Variants in SRGAP1 observed in about 807,000 individuals in gnomAD.
The protein encoded by SRGAP1 is SLIT-ROBO Rho GTPase-activating protein 1.
SRGAP1 carries 43 observed loss-of-function variants against 121.9 expected under a neutral mutation model. That is an observed-to-expected ratio of 0.35 (90% CI 0.28 to 0.46). The LOEUF (loss-of-function observed/expected upper bound fraction) is 0.46. Ranked by LOEUF, SRGAP1 falls within the 20% of genes least tolerant of loss-of-function variation. The probability of loss-of-function intolerance (pLI) is 1.00; values close to 1 mark genes in which losing one functional copy is unlikely to be tolerated. For missense variants in SRGAP1, 1,102 were observed against 1,350.9 expected (o/e 0.82, Z 2.89); for synonymous variants, 447 against 485.4 (o/e 0.92, Z 1.04).
chr12:64,116,118 G>C (rs145034405), intron 18 of SRGAP1: 2 of 462,366 alleles, frequency 4.3e-6, no homozygotes, highest in Admixed American at 7.2e-5. Flanking sequence ...TTAGCCAGGC[G>C]TGGTGATGTG....
intron 3 of SRGAP1, among the ~76,000 whole-genome samples, chr12:63,991,130 G>T (rs553025988): frequency 6.6e-6 from 1 of 152,110 alleles, no homozygotes; most frequent in South Asian, 2.1e-4. Context: ...TACGACTAGC[G>T]TTCATTTTTT....
intron 1 of SRGAP1, among the ~76,000 whole-genome samples, chr12:63,913,478 G>GATATAT: frequency 7.6e-6 from 1 of 130,986 alleles, no homozygotes; most frequent in East Asian, 2.4e-4. Flanking sequence ...TATATATATG[G>GATATAT]ATATATATAT....
At chr12:64,132,462 C>A (rs1430300104) in intron 21 of SRGAP1, among the ~76,000 whole-genome samples, 1 of 152,212 alleles carries the variant, frequency 6.6e-6, no homozygotes, top group Non-Finnish European at 1.5e-5. Flanking sequence ...GTAACACACC[C>A]AAAAGAGGAA....
chr12:64,024,494 C>T (rs2034612536), intron 4 of SRGAP1, among the ~76,000 whole-genome samples: 2 of 152,112 alleles, frequency 1.3e-5, no homozygotes, highest in Admixed American at 1.3e-4. Context: ...ATTTTGGGTG[C>T]AGCCTTTCAT....
At chr12:64,095,771 T>C (rs1320900946) in intron 14 of SRGAP1, among the ~76,000 whole-genome samples, 2 of 152,230 alleles carry the variant, frequency 1.3e-5, no homozygotes, top group East Asian at 1.9e-4. Context: ...AATAGTGTTA[T>C]GTATTAATAG....
chr12:64,141,287 A>AGAAG (rs1555177613), intron 21 of SRGAP1, among the ~76,000 whole-genome samples: 1 of 144,678 alleles, frequency 6.9e-6, no homozygotes, highest in Non-Finnish European at 1.5e-5. Flanking sequence ...AAAAAAAAAA[A>AGAAG]AAAGAAAAAC....
intron 10 of SRGAP1, among the ~76,000 whole-genome samples, chr12:64,086,528 A>C (rs964816890): frequency 2.6e-5 from 4 of 152,146 alleles, no homozygotes; most frequent in Non-Finnish European, 4.4e-5. Context: ...CCCCTGATTC[A>C]TATTATAGAA....
intron 4 of SRGAP1, among the ~76,000 whole-genome samples, chr12:64,023,934 C>G (rs1254377608): frequency 6.6e-6 from 1 of 152,114 alleles, no homozygotes. Flanking sequence ...TTCCCAAGGC[C>G]CATCAGTTCC....
chr12:64,138,661 T>C (rs2036903312), intron 21 of SRGAP1, among the ~76,000 whole-genome samples: 1 of 151,586 alleles, frequency 6.6e-6, no homozygotes, highest in African/African-American at 2.4e-5. Flanking sequence ...AAAAAATATA[T>C]ATAAATCTCT....
chr12:64,095,421 C>T (rs1003182320), intron 14 of SRGAP1, among the ~76,000 whole-genome samples: 1 of 152,148 alleles, frequency 6.6e-6, no homozygotes, highest in African/African-American at 2.4e-5. Flanking sequence ...AGCTCTGCAT[C>T]CTGGTTGAGG....
chr12:64,013,743 G>T (rs2034322050), intron 3 of SRGAP1, among the ~76,000 whole-genome samples: 1 of 152,174 alleles, frequency 6.6e-6, no homozygotes, highest in Non-Finnish European at 1.5e-5. Flanking sequence ...ACTGGTAGTA[G>T]GACTCCCTGA....
Position 64,142,848 on chromosome 12 carries a change from A to G in SRGAP1, c.*176A>G, listed in dbSNP as rs957803646. 1 of 848,852 alleles carries G rather than the reference A, an allele frequency of 1.2e-6. No homozygotes were observed. The highest frequency in any genetic ancestry group is 1.7e-5 in the African/African-American group (1 of 58,260). The allele number at this position is 848,852 out of a possible 1,614,324, so 52.6% of individuals were successfully genotyped here. On this transcript the variant is annotated 3_prime_UTR_variant, in exon 22 of 22. Coordinates refer to ENST00000355086, the MANE Select transcript of SRGAP1 (RefSeq NM_020762.4). ...TAGCTAAATTAACACGGGCATTTGT[A>G]TTTTGTAATTTTTTTAAATAACTGG... is the stretch of plus-strand genomic sequence containing the variant.
At chr12:63,943,243 A>C (rs1453953620) in intron 1 of SRGAP1, among the ~76,000 whole-genome samples, 4 of 152,246 alleles carry the variant, frequency 2.6e-5, no homozygotes, top group Non-Finnish European at 5.9e-5. Context: ...TAAAAAATAT[A>C]ATGAGCATCT....
intron 8 of SRGAP1, among the ~76,000 whole-genome samples, chr12:64,072,492 G>A (rs980474023): frequency 1.3e-5 from 2 of 152,120 alleles, no homozygotes; most frequent in South Asian, 4.1e-4. Flanking sequence ...TCAAATTAAA[G>A]TGAGGTCAAT....
At chr12:64,122,815 T>C (rs562182204) in intron 18 of SRGAP1, among the ~76,000 whole-genome samples, 5 of 152,220 alleles carry the variant, frequency 3.3e-5, no homozygotes, top group South Asian at 2.1e-4. Context: ...TGAGAATCGC[T>C]TGAACCCGGG....
chr12:63,967,652 T>C (rs1193287071), intron 1 of SRGAP1, among the ~76,000 whole-genome samples: 1 of 152,178 alleles, frequency 6.6e-6, no homozygotes, highest in Non-Finnish European at 1.5e-5. Context: ...CCTGGATTCT[T>C]TGTAGGACTA....
At position 64,142,710 on chromosome 12, in the gene SRGAP1, A is replaced by T; in HGVS notation, c.*38A>T. Reference sequence around the variant, plus strand: ...CAAGGCCATAAAGGGAGGTGACTTAAAAAAGAAAATGGATTAGTGACAAAA... The same window carrying T: ...CAAGGCCATAAAGGGAGGTGACTTATAAAAGAAAATGGATTAGTGACAAAA... On this transcript the variant is annotated 3_prime_UTR_variant, in exon 22 of 22. Transcript: ENST00000355086. The T allele has an allele frequency of 6.4e-7, 1 of 1,565,424 alleles. No homozygotes were observed. Among genetic ancestry groups the T allele is most frequent in the Non-Finnish European group, 8.7e-7 (1 of 1,155,316 alleles).
At chr12:63,865,404 G>C (rs1204109551) in intron 1 of SRGAP1, among the ~76,000 whole-genome samples, 1 of 152,122 alleles carries the variant, frequency 6.6e-6, no homozygotes, top group East Asian at 1.9e-4. Flanking sequence ...AGGAGGTGGA[G>C]GTTGCGGTGA....
At chr12:63,984,202 C>A in intron 2 of SRGAP1, 60 bp downstream of exon 2, 1 of 981,228 alleles carries the variant, frequency 1.0e-6, no homozygotes, top group South Asian at 3.2e-5. Flanking sequence ...CCTTTGCCAC[C>A]TTTGTGGATT....
Sources: gnomAD v4.1 joint callset for allele counts (sites outside exome capture counted in the v4.1 genomes callset) on GRCh38, gnomAD v4.1.1 for gene constraint, MANE v1.5 for transcripts, NCBI Gene and HGNC (gene_info 2026-07-23, HGNC 2026-07-21) for gene names.